RAB38: variants seen among roughly 807,000 people sequenced by gnomAD.
The protein encoded by RAB38 is RAB38, member RAS oncogene family, also known as ras-related protein Rab-38.
RAB38 carries 15 observed loss-of-function variants against 18.4 expected under a neutral mutation model. The observed-to-expected ratio is 0.82, with a 90% CI of 0.55 to 1.26. The LOEUF (loss-of-function observed/expected upper bound fraction) is 1.26. Ranked by LOEUF, RAB38 falls within the 50% of genes most tolerant of loss-of-function variation. The pLI is 0.00. For missense variants in RAB38, 294 were observed against 267.4 expected (o/e 1.10, Z -0.69); for synonymous variants, 101 against 104.4 (o/e 0.97, Z 0.20).
chr11:87,893,371 C>CATATATATATATATATGTATAT, the RAB38 span, among the ~76,000 whole-genome samples: 49 of 86,406 alleles, frequency 5.7e-4, no homozygotes, highest in African/African-American at 2.0e-3. Flanking sequence ...ATATATTTTA[C>CATATATATATATATATGTATAT]ATATATATAT....
the RAB38 span, chr11:87,816,580 C>T: frequency 6.6e-6 from 1 of 152,006 alleles, no homozygotes; most frequent in African/African-American, 2.4e-5. Flanking sequence ...GGATCTCTCT[C>T]TCTCCTCATT....
At chr11:88,029,105 C>A in the RAB38 span, among the ~76,000 whole-genome samples, 7,473 of 151,846 alleles carry the variant, frequency 0.049, 293 homozygotes, top group East Asian at 0.14. Flanking sequence ...ATTTTCAACC[C>A]AGAATTTCAT....
the RAB38 span, among the ~76,000 whole-genome samples, chr11:87,901,384 C>T: frequency 3.3e-5 from 5 of 151,574 alleles, no homozygotes; most frequent in East Asian, 9.7e-4. Flanking sequence ...TCACAGGACT[C>T]TCATTTTCTT....
intron 1 of RAB38, among the ~76,000 whole-genome samples, chr11:88,170,735 T>G (rs1011042008): frequency 6.6e-6 from 1 of 152,100 alleles, no homozygotes; most frequent in Non-Finnish European, 1.5e-5. Context: ...GTAGATCTTA[T>G]TTTAAGTATT....
the RAB38 span, among the ~76,000 whole-genome samples, chr11:88,018,491 C>T: frequency 9.9e-5 from 15 of 152,090 alleles, no homozygotes; most frequent in African/African-American, 3.4e-4. Context: ...TATGGCAAAA[C>T]ACCTCAAAAG....
At chr11:87,936,321 T>A in the RAB38 span, among the ~76,000 whole-genome samples, 1 of 152,140 alleles carries the variant, frequency 6.6e-6, no homozygotes, top group African/African-American at 2.4e-5. Context: ...GTAGAAGGTG[T>A]GAGACAGGCC....
chr11:87,947,049 C>T, the RAB38 span, among the ~76,000 whole-genome samples: 8 of 151,964 alleles, frequency 5.3e-5, no homozygotes, highest in African/African-American at 1.9e-4. Context: ...CTCTCCAGCA[C>T]CTGTTGTTTC....
chr11:87,900,056 T>C, the RAB38 span, among the ~76,000 whole-genome samples: 3 of 151,624 alleles, frequency 2.0e-5, no homozygotes, highest in Non-Finnish European at 3.0e-5. Flanking sequence ...GCTGGAGATA[T>C]GATGAAAAAC....
the RAB38 span, among the ~76,000 whole-genome samples, chr11:87,936,477 G>C: frequency 6.6e-6 from 1 of 151,934 alleles, no homozygotes; most frequent in African/African-American, 2.4e-5. Context: ...AATACTTCTG[G>C]GTTCTTCTGT....
At chr11:87,876,481 A>G in the RAB38 span, among the ~76,000 whole-genome samples, 1 of 151,542 alleles carries the variant, frequency 6.6e-6, no homozygotes, top group African/African-American at 2.4e-5. Flanking sequence ...CAGCAAATCC[A>G]AACTAACACA....
intron 2 of RAB38, among the ~76,000 whole-genome samples, chr11:88,129,022 T>C (rs557995078): frequency 4.6e-4 from 70 of 152,340 alleles, no homozygotes; most frequent in African/African-American, 1.6e-3. Flanking sequence ...ATATGGACAG[T>C]TGTATATCTA....
intron 2 of RAB38, among the ~76,000 whole-genome samples, chr11:88,144,445 C>G (rs757717622): frequency 1.3e-5 from 2 of 152,014 alleles, no homozygotes; most frequent in Non-Finnish European, 2.9e-5. Context: ...GGAAATTCCC[C>G]GAAGATAGCA....
At chr11:88,109,818 A>G (rs1490069628), downstream of RAB38, among the ~76,000 whole-genome samples, 5 of 152,236 alleles carry the variant, frequency 3.3e-5, no homozygotes, top group Admixed American at 6.5e-5. Flanking sequence ...CCACAATGAG[A>G]TACCATCTAA....
chr11:87,893,390 A>ATATATATATATATATATATTTT, the RAB38 span, among the ~76,000 whole-genome samples: 2,173 of 93,760 alleles, frequency 0.023, 73 homozygotes, highest in East Asian at 0.13. Context: ...ATATATATAT[A>ATATATATATATATATATATTTT]TTTTTTTTTT....
the RAB38 span, among the ~76,000 whole-genome samples, chr11:87,828,936 A>T: frequency 6.6e-6 from 1 of 152,222 alleles, no homozygotes; most frequent in African/African-American, 2.4e-5. Flanking sequence ...ATTTAGGAAA[A>T]GGCAAACTCT....
the RAB38 span, among the ~76,000 whole-genome samples, chr11:87,847,940 A>G: frequency 6.6e-6 from 1 of 152,164 alleles, no homozygotes; most frequent in East Asian, 1.9e-4. Flanking sequence ...ATTCTTAACT[A>G]CAGGCCAACA....
chr11:87,943,941 T>C, the RAB38 span, among the ~76,000 whole-genome samples: 1 of 152,138 alleles, frequency 6.6e-6, no homozygotes, highest in Non-Finnish European at 1.5e-5. Context: ...GTTTGGCCAA[T>C]TGGTAGAAAT....
chr11:88,082,737 A>T, the RAB38 span, among the ~76,000 whole-genome samples: 1 of 151,910 alleles, frequency 6.6e-6, no homozygotes, highest in African/African-American at 2.4e-5. Flanking sequence ...CAGATCTAAG[A>T]TTCCAGCATC....
chr11:88,125,305 T>TAG (rs762759626), intron 2 of RAB38, among the ~76,000 whole-genome samples: 22 of 152,166 alleles, frequency 1.4e-4, no homozygotes, highest in Non-Finnish European at 2.5e-4. Context: ...CCAACCGAAC[T>TAG]AGACCATAAA....
Sources: gnomAD v4.1 joint callset for allele counts (sites outside exome capture counted in the v4.1 genomes callset) on GRCh38, gnomAD v4.1.1 for gene constraint, MANE v1.5 for transcripts, NCBI Gene and HGNC (gene_info 2026-07-23, HGNC 2026-07-21) for gene names.